The following REXO5 variants were observed in gnomAD, a reference collection of about 807,000 sequenced individuals.
REXO5 encodes exonuclease NEF-sp.
REXO5 carries 48 observed loss-of-function variants against 88.5 expected under a neutral mutation model. The ratio of observed to expected loss-of-function variants is 0.54; its 90% CI spans 0.43 to 0.69. The LOEUF (loss-of-function observed/expected upper bound fraction) is 0.69. Among genes scored for constraint, REXO5 ranks in the 30% least tolerant of loss-of-function variants. The probability of loss-of-function intolerance (pLI) is 0.00; values close to 1 mark genes in which losing one functional copy is unlikely to be tolerated. For synonymous variants in REXO5, 311 were observed against 336.5 expected (o/e 0.92, Z 0.83); for missense variants, 749 against 912.2 (o/e 0.82, Z 2.30).
At chr16:20,811,529 T>G (rs2080998560) in intron 2 of REXO5, among the ~76,000 whole-genome samples, 1 of 152,208 alleles carries the variant, frequency 6.6e-6, no homozygotes, top group African/African-American at 2.4e-5. Context: ...AAGATACAGC[T>G]TAAGTTCGGG....
chr16:20,812,519 T>A (rs547948377), intron 2 of REXO5, among the ~76,000 whole-genome samples: 1 of 152,230 alleles, frequency 6.6e-6, no homozygotes, highest in Non-Finnish European at 1.5e-5. Context: ...AGTGAGACTC[T>A]GTCTCAGAAA....
chr16:20,826,058 T>C, intron 8 of REXO5, 110 bp downstream of exon 8: 2 of 681,132 alleles, frequency 2.9e-6, no homozygotes. Context: ...TACTTAAATA[T>C]TATCAAAGGT....
At chr16:20,844,510 CG>C in intron 16 of REXO5, 118 bp from the exon 17 acceptor site, 1 of 786,364 alleles carries the variant, frequency 1.3e-6, no homozygotes, top group East Asian at 2.6e-5. Flanking sequence ...AGAAAAGAAA[CG>C]GAAAATTTTA....
intron 11 of REXO5, among the ~76,000 whole-genome samples, chr16:20,831,365 C>T (rs1364815022): frequency 1.3e-5 from 2 of 152,086 alleles, no homozygotes; most frequent in Non-Finnish European, 2.9e-5. Flanking sequence ...ACACTTGGGG[C>T]ACTTAATTAT....
At chr16:20,820,532 ATATATATATATATTTTTTTTTTTTTTTT>A (rs2081159592) in intron 5 of REXO5, among the ~76,000 whole-genome samples, 2 of 9,986 alleles carry the variant, frequency 2.0e-4, no homozygotes, top group Non-Finnish European at 3.7e-4. Context: ...ATATATATAT[ATATATATATATATTTTTTTTTTTTTTTT>A]TTTTTTTTTT....
intron 7 of REXO5, chr16:20,825,581 G>A (rs2081248401): frequency 9.5e-6 from 4 of 420,328 alleles, no homozygotes; most frequent in Non-Finnish European, 1.7e-5. Flanking sequence ...ATAAATGGTA[G>A]ATACAATTAT....
At chr16:20,818,751 G>T (rs1025743365) in intron 5 of REXO5, among the ~76,000 whole-genome samples, 1 of 152,216 alleles carries the variant, frequency 6.6e-6, no homozygotes, top group Non-Finnish European at 1.5e-5. Flanking sequence ...AAGTACAGGC[G>T]TGAGCCACTG....
At chr16:20,845,847 A>T (rs2081598459) in intron 18 of REXO5, among the ~76,000 whole-genome samples, 1 of 152,118 alleles carries the variant, frequency 6.6e-6, no homozygotes, top group South Asian at 2.1e-4. Context: ...CTAATCTCTC[A>T]TACTTAACAG....
chr16:20,839,951 TTG>T, intron 14 of REXO5, 92 bp downstream of exon 14: 1 of 814,250 alleles, frequency 1.2e-6, no homozygotes. Context: ...ATTTAATTTG[TTG>T]TGTTTTTCTC....
intron 11 of REXO5, 109 bp downstream of exon 11, chr16:20,828,646 G>T: frequency 1.3e-6 from 1 of 779,028 alleles, no homozygotes; most frequent in Non-Finnish European, 2.1e-6. Flanking sequence ...ATGGCAGTGT[G>T]GGCCAGGTGC....
Position 20,845,215 on chromosome 16 carries a change from C to T in REXO5, c.2098C>T (p.Pro700Ser), listed in dbSNP as rs760759280. ...TRLPGLRVVP[P>S]PFEQEALQTL... ...GCTCCCAGGGCTTCGTGTTGTACCT[C>T]CCCCCTTTGAACAGGAGGCCTTGCA... Residue 700 changes from proline to serine, a missense_variant, in exon 18 of 20, where the codon CCC (proline) becomes TCC (serine). Physicochemically the swap from Pro to Ser is moderately conservative, Grantham distance 74 (BLOSUM62 -1). Coordinates refer to ENST00000261377, the MANE Select transcript of REXO5 (RefSeq NM_030941.3). The T allele has an allele frequency of 6.2e-7, 1 of 1,613,044 alleles. No individual in the cohort carries two copies.
At chr16:20,810,823 C>T (rs1460365352) in intron 2 of REXO5, among the ~76,000 whole-genome samples, 1 of 152,162 alleles carries the variant, frequency 6.6e-6, no homozygotes, top group Non-Finnish European at 1.5e-5. Context: ...TGCTTAGGCT[C>T]TGTCACCCTG....
At chr16:20,843,472 A>G (rs1377933547) in intron 15 of REXO5, among the ~76,000 whole-genome samples, 1 of 152,174 alleles carries the variant, frequency 6.6e-6, no homozygotes, top group Non-Finnish European at 1.5e-5. Context: ...AAACTTTTCT[A>G]TGGGAAGGCT....
At chr16:20,832,405 G>A in intron 12 of REXO5, 146 bp downstream of exon 12, 1 of 482,712 alleles carries the variant, frequency 2.1e-6, no homozygotes. Flanking sequence ...AAAAACCACG[G>A]AAAAAATACC....
At chr16:20,813,335 C>T (rs376992945) in intron 3 of REXO5, 33 bp downstream of exon 3, 123 of 1,129,740 alleles carry the variant, frequency 1.1e-4, no homozygotes, top group African/African-American at 1.0e-3. Context: ...GGGTATTGAC[C>T]AGCGGTTTCT....
At chr16:20,830,205 GAGAC>G (rs1171256435) in intron 11 of REXO5, among the ~76,000 whole-genome samples, 2 of 151,564 alleles carry the variant, frequency 1.3e-5, no homozygotes, top group African/African-American at 4.8e-5. Flanking sequence ...TATTTTTTTT[GAGAC>G]AGAGTCTCAC....
chr16:20,807,614 A>G (rs1258812695), intron 2 of REXO5, among the ~76,000 whole-genome samples: 1 of 138,482 alleles, frequency 7.2e-6, no homozygotes, highest in Non-Finnish European at 1.6e-5. Context: ...AAAAACTGGG[A>G]TGGTGGGCCG....
In REXO5 at chr16:20,820,872, T is replaced by C. The variant is rs772885798; in HGVS notation, c.476-890T>C. ...AGCCACTGTACCTAGCCCAGTTCTT[T>C]ATATTTTTTAGTGAAAATCCTTAAA... On this transcript the variant is annotated intron_variant, in intron 5 of 19. Transcript: ENST00000261377. Among the ~76,000 whole-genome samples the C allele has an allele frequency of 2.6e-5, 4 of 151,918 alleles. No homozygotes were observed. In the East Asian group the frequency reaches 7.8e-4, roughly 29 times the overall value.
rs758532205 is a variant in REXO5, at chr16:20,824,461, T to C, written c.639T>C (p.Phe213=). 8.1e-6 allele frequency: 13 copies of C among 1,610,276 alleles called. No individual in the cohort carries two copies. The Admixed American group carries it at 1.5e-4, about 19-fold the overall frequency. ...PLQGFPDCEN[F]LLTKCNGSIA... is the part of the protein sequence containing the mutation. ...TAGGTTTTCCTGATTGTGAAAACTT[T>C]TTACTTACCAAATGTAATGGTTCTA... The change falls in exon 7 of 20, where the codon TTT becomes TTC. Residue 213 remains phenylalanine, a synonymous_variant. Coordinates refer to ENST00000261377, the MANE Select transcript of REXO5 (RefSeq NM_030941.3).
Sources: gnomAD v4.1 joint callset for allele counts (sites outside exome capture counted in the v4.1 genomes callset) on GRCh38, gnomAD v4.1.1 for gene constraint, MANE v1.5 for transcripts, NCBI Gene and HGNC (gene_info 2026-07-23, HGNC 2026-07-21) for gene names.